MARCHF1: variants seen among roughly 807,000 people sequenced by gnomAD.
The protein encoded by MARCHF1 is membrane associated ring-CH-type finger 1.
MARCHF1 carries 40 observed loss-of-function variants against 54.2 expected under a neutral mutation model. The ratio of observed to expected loss-of-function variants is 0.74; its 90% CI spans 0.57 to 0.96. The LOEUF (loss-of-function observed/expected upper bound fraction) is 0.96. MARCHF1 is among the 40% of genes least tolerant of loss of function. The probability of loss-of-function intolerance (pLI) is 0.00; values close to 1 mark genes in which losing one functional copy is unlikely to be tolerated. For synonymous variants in MARCHF1, 236 were observed against 236.3 expected (o/e 1.00, Z 0.01); for missense variants, 586 against 656.5 (o/e 0.89, Z 1.17).
intron 1 of MARCHF1, among the ~76,000 whole-genome samples, chr4:164,179,166 G>A (rs1314438699): frequency 1.3e-5 from 2 of 152,174 alleles, no homozygotes; most frequent in Non-Finnish European, 2.9e-5. Flanking sequence ...ATCCCAGGGA[G>A]CAGAAGGAGC....
At chr4:164,009,984 A>T (rs1753382379) in intron 2 of MARCHF1, among the ~76,000 whole-genome samples, 1 of 152,040 alleles carries the variant, frequency 6.6e-6, no homozygotes, top group Non-Finnish European at 1.5e-5. Flanking sequence ...TCTGAATTAG[A>T]AAAAAAGAAG....
chr4:163,712,537 C>A (rs1007809685), intron 4 of MARCHF1, among the ~76,000 whole-genome samples: 17 of 152,176 alleles, frequency 1.1e-4, no homozygotes, highest in Admixed American at 1.0e-3. Flanking sequence ...TTACTTCAAA[C>A]CTTTTTGTTC....
chr4:163,801,368 C>G (rs1302108680), intron 4 of MARCHF1, among the ~76,000 whole-genome samples: 1 of 151,792 alleles, frequency 6.6e-6, no homozygotes, highest in Non-Finnish European at 1.5e-5. Context: ...ATACTTTATG[C>G]ACCAGTTCTT....
intron 3 of MARCHF1, among the ~76,000 whole-genome samples, chr4:163,873,483 A>G: frequency 6.6e-6 from 1 of 152,076 alleles, no homozygotes; most frequent in East Asian, 1.9e-4. Context: ...CAGGCTTTTG[A>G]CAGAGCTGGA....
At chr4:163,558,167 C>G (rs958759879) in intron 8 of MARCHF1, among the ~76,000 whole-genome samples, 1 of 152,030 alleles carries the variant, frequency 6.6e-6, no homozygotes. Context: ...TGGGCAGGAC[C>G]AGATGATGAG....
chr4:164,142,252 C>A (rs1756561193), intron 1 of MARCHF1, among the ~76,000 whole-genome samples: 1 of 152,170 alleles, frequency 6.6e-6, no homozygotes, highest in Non-Finnish European at 1.5e-5. Context: ...GGGAGGGGCA[C>A]CCGCTATTGC....
At position 163,527,744 on chromosome 4, in the gene MARCHF1, A is replaced by C. The variant is rs1738174985; in HGVS notation, c.*1004T>G. On this transcript the variant is annotated 3_prime_UTR_variant, in exon 10 of 10. Transcript: ENST00000514618. The stretch of plus-strand genomic sequence containing the variant: ...TACGGCTGTGCTATCCAATATAGTT[A>C]ATTCAAGTTGAAGTGTACTTTTAAA... The C allele has an allele frequency of 6.7e-6, 1 of 148,612 alleles. No homozygotes were observed. Among genetic ancestry groups the C allele is most frequent in the Non-Finnish European group, 1.5e-5 (1 of 66,728 alleles). 9.2% of individuals were successfully genotyped at this position (148,612 alleles called of 1,614,324 possible). A position where few individuals can be genotyped will look rare whatever the true frequency, so the allele number is the denominator to read the frequency against.
intron 1 of MARCHF1, among the ~76,000 whole-genome samples, chr4:164,141,841 C>G (rs1380555118): frequency 1.3e-5 from 2 of 152,214 alleles, no homozygotes; most frequent in Non-Finnish European, 2.9e-5. Context: ...ATAGGAACAG[C>G]TCCAGTCTAC....
At chr4:164,186,863 A>G (rs918082462) in intron 1 of MARCHF1, among the ~76,000 whole-genome samples, 1 of 152,178 alleles carries the variant, frequency 6.6e-6, no homozygotes, top group Admixed American at 6.5e-5. Flanking sequence ...AAATCCCAAA[A>G]TTAGAGAGGA....
At chr4:163,863,071 C>A (rs534939412) in intron 3 of MARCHF1, among the ~76,000 whole-genome samples, 1 of 151,986 alleles carries the variant, frequency 6.6e-6, no homozygotes, top group Non-Finnish European at 1.5e-5. Flanking sequence ...TTGTATGATG[C>A]TTTAGTGGTG....
At chr4:163,635,259 G>A (rs1742269971) in intron 5 of MARCHF1, among the ~76,000 whole-genome samples, 1 of 123,668 alleles carries the variant, frequency 8.1e-6, no homozygotes, top group African/African-American at 3.5e-5. Flanking sequence ...GAGCAGAACT[G>A]AAGGAAATAG....
intron 2 of MARCHF1, among the ~76,000 whole-genome samples, chr4:164,088,581 T>C (rs886114350): frequency 6.6e-6 from 1 of 151,850 alleles, no homozygotes; most frequent in Non-Finnish European, 1.5e-5. Context: ...CTACAAAAAA[T>C]ACAAACTTTG....
chr4:163,612,356 T>C lies in MARCHF1; in HGVS notation c.925A>G (p.Asn309Asp), dbSNP rs1741371674. ...TTATTCACCTGGAGCCCTGCATCAT[T>C]CATGTCCTTGCTGCCTTCTGGAACT... Reference protein sequence around the residue: ...LGVPEGSKDMNDAGLQVNNPV... With the variant: ...LGVPEGSKDMDDAGLQVNNPV... The change falls in exon 7 of 10, where the codon AAT (asparagine) becomes GAT (aspartate). Residue 309 changes from asparagine to aspartate, a missense_variant. Physicochemically the swap from Asn to Asp is conservative, Grantham distance 23. This residue lies in a region of MARCHF1 where 387 missense variants were observed against 394.6 expected (regional missense o/e 0.98). Coordinates refer to ENST00000514618, the MANE Select transcript of MARCHF1 (RefSeq NM_001394959.1). 6.5e-7 allele frequency: 1 copy of C among 1,535,442 alleles called. No homozygotes were observed. The highest frequency in any genetic ancestry group is 1.2e-5 in the South Asian group (1 of 84,040).
chr4:163,807,808 G>GTTTTTTTTT (rs5863631), intron 4 of MARCHF1, among the ~76,000 whole-genome samples: 1 of 150,558 alleles, frequency 6.6e-6, no homozygotes, highest in Non-Finnish European at 1.5e-5. Flanking sequence ...GAAATCATAG[G>GTTTTTTTTT]TTTTTTTTTG....
chr4:164,079,506 C>T (rs1755051168), intron 2 of MARCHF1, among the ~76,000 whole-genome samples: 1 of 152,048 alleles, frequency 6.6e-6, no homozygotes, highest in South Asian at 2.1e-4. Flanking sequence ...ATCTAGACAA[C>T]ATCTCTTCTT....
chr4:163,622,538 C>T (rs563370674), intron 5 of MARCHF1, among the ~76,000 whole-genome samples: 1 of 152,294 alleles, frequency 6.6e-6, no homozygotes, highest in East Asian at 1.9e-4. Context: ...ACATGCTTTC[C>T]TTCCTTATAT....
At chr4:164,127,992 C>T (rs778951946) in intron 1 of MARCHF1, among the ~76,000 whole-genome samples, 12 of 152,104 alleles carry the variant, frequency 7.9e-5, no homozygotes, top group Non-Finnish European at 8.8e-5. Flanking sequence ...TAGGATAGTA[C>T]TGGCTCATGA....
intron 1 of MARCHF1, among the ~76,000 whole-genome samples, chr4:164,358,153 AGAG>A (rs1373299524): frequency 1.3e-5 from 2 of 152,200 alleles, no homozygotes; most frequent in African/African-American, 4.8e-5. Context: ...AGGGTGAGTC[AGAG>A]GAGACTTTGT....
intron 1 of MARCHF1, among the ~76,000 whole-genome samples, chr4:164,243,360 T>G (rs1410871309): frequency 6.8e-6 from 1 of 147,400 alleles, no homozygotes; most frequent in Non-Finnish European, 1.5e-5. Context: ...AACCCAGAAT[T>G]TCATATCCAG....
Sources: allele counts gnomAD v4.1 joint callset (sites outside exome capture counted in the v4.1 genomes callset), GRCh38; gene constraint gnomAD v4.1.1; regional missense constraint gnomAD v4.1.1; transcripts MANE v1.5; gene names NCBI Gene and HGNC (gene_info 2026-07-23, HGNC 2026-07-21).